WDTC1: variants seen among roughly 807,000 people sequenced by gnomAD.
WDTC1 encodes the protein WD and tetratricopeptide repeats protein 1.
In WDTC1, 12 loss-of-function variants were observed where a neutral mutation model predicts 76.0. The observed-to-expected ratio is 0.16, with a 90% CI of 0.10 to 0.26. The LOEUF (loss-of-function observed/expected upper bound fraction) is 0.26, where lower values mean the gene tolerates loss of function less well. WDTC1 is among the 10% of genes least tolerant of loss of function. WDTC1 has a pLI of 1.00. For synonymous variants in WDTC1, 326 were observed against 350.8 expected (o/e 0.93, Z 0.79); for missense variants, 511 against 908.8 (o/e 0.56, Z 5.63).
At chr1:27,302,303 A>C (rs1393624100) in intron 13 of WDTC1, among the ~76,000 whole-genome samples, 1 of 151,764 alleles carries the variant, frequency 6.6e-6, no homozygotes, top group Non-Finnish European at 1.5e-5. Flanking sequence ...GAAACAAAAA[A>C]GTATGACAAG....
chr1:27,268,776 G>A (rs1392772356), intron 3 of WDTC1, among the ~76,000 whole-genome samples: 5 of 149,250 alleles, frequency 3.4e-5, no homozygotes, highest in South Asian at 2.1e-4. Flanking sequence ...GTGCAGTGGC[G>A]CAATCTTGGC....
At chr1:27,240,972 C>CAA (rs10683474) in intron 1 of WDTC1, among the ~76,000 whole-genome samples, 18,015 of 137,282 alleles carry the variant, frequency 0.13, 1,412 homozygotes, top group South Asian at 0.19. Context: ...GACTCCATCT[C>CAA]AAAAAAAAAA....
At chr1:27,245,568 T>G (rs151022607) in intron 1 of WDTC1, among the ~76,000 whole-genome samples, 2,381 of 151,458 alleles carry the variant, frequency 0.016, 47 homozygotes, top group East Asian at 0.035. Context: ...GGTTTTTTTT[T>G]TTTGTTTGTT....
At chr1:27,252,262 G>T (rs933734792) in intron 1 of WDTC1, among the ~76,000 whole-genome samples, 8 of 151,854 alleles carry the variant, frequency 5.3e-5, no homozygotes, top group African/African-American at 1.9e-4. Context: ...TGGCAGGATT[G>T]CTTGAGCTGG....
At chr1:27,240,620 A>G (rs138796455) in intron 1 of WDTC1, among the ~76,000 whole-genome samples, 593 of 152,266 alleles carry the variant, frequency 3.9e-3, no homozygotes, top group Middle Eastern at 6.8e-3. Context: ...TCTTTGAGCT[A>G]TTAAGTAATA....
chr1:27,284,645 T>C (rs2013279798), intron 5 of WDTC1, among the ~76,000 whole-genome samples: 1 of 152,140 alleles, frequency 6.6e-6, no homozygotes, highest in Non-Finnish European at 1.5e-5. Context: ...GCCATTAGTT[T>C]AGCATCAGAG....
intron 9 of WDTC1, among the ~76,000 whole-genome samples, chr1:27,295,948 T>G (rs1570983827): frequency 6.6e-6 from 1 of 152,114 alleles, no homozygotes; most frequent in East Asian, 1.9e-4. Flanking sequence ...GTATTTCTTG[T>G]AAAGACGGGG....
At position 27,287,585 on chromosome 1, in the gene WDTC1, G is replaced by C. The variant is rs1455518937; in HGVS notation, c.292-89G>C. ...CTCATTCTCTTATCTGACATGGAGAGAGAAAAGGGTGCAGACATCCAGGCT... is the reference window on the plus strand; with the variant it reads ...CTCATTCTCTTATCTGACATGGAGACAGAAAAGGGTGCAGACATCCAGGCT... On this transcript the variant is annotated intron_variant, in intron 5 of 15. Coordinates refer to ENST00000319394, the MANE Select transcript of WDTC1 (RefSeq NM_001276252.2). The C allele has an allele frequency of 7.8e-6, 11 of 1,406,718 alleles. No homozygotes were observed. The Admixed American group carries it at 1.3e-4, about 16-fold the overall frequency. 87.1% of individuals were successfully genotyped at this position (1,406,718 alleles called of 1,614,324 possible). A position where few individuals can be genotyped will look rare whatever the true frequency, so the allele number is the denominator to read the frequency against.
intron 4 of WDTC1, among the ~76,000 whole-genome samples, chr1:27,283,098 A>G (rs2013235998): frequency 6.6e-6 from 1 of 151,540 alleles, no homozygotes; most frequent in Non-Finnish European, 1.5e-5. Flanking sequence ...AGATCGCGCC[A>G]CTGCACTTCC....
In WDTC1 at chr1:27,306,151, G is replaced by A. The variant is rs1447968286; in HGVS notation, c.1837-35G>A. 8 of 1,612,600 alleles carry A rather than the reference G, an allele frequency of 5.0e-6. No individual in the cohort carries two copies. Among genetic ancestry groups the A allele is most frequent in the Non-Finnish European group, 6.8e-6 (8 of 1,179,432 alleles). ...TGTACCCTGGTGCCTCTCCCTCCCT[G>A]AGCCCCACGTGTGTCACCCCTTTCT... On this transcript the variant is annotated intron_variant, in intron 15 of 15. Transcript: ENST00000319394. The surrounding 1 kb of genome is among the most constrained non-coding windows in gnomAD (Gnocchi z 5.0).
At chr1:27,245,551 T>A (rs997422163) in intron 1 of WDTC1, among the ~76,000 whole-genome samples, 1 of 150,962 alleles carries the variant, frequency 6.6e-6, no homozygotes, top group Non-Finnish European at 1.5e-5. Context: ...AAGAAAGGGT[T>A]TTTTTTGGTT....
At chr1:27,249,905 G>C (rs2011979468) in intron 1 of WDTC1, among the ~76,000 whole-genome samples, 1 of 152,156 alleles carries the variant, frequency 6.6e-6, no homozygotes, top group Non-Finnish European at 1.5e-5. Context: ...ACAGATTTTT[G>C]TGTGGCATTT....
Position 27,301,588 on chromosome 1 carries a change from A to G in WDTC1, c.1468+127A>G. ...CAGATGTTGATTCAGAAACCATGCAACTTTGGGGCAGTTACTTGGTGTCTC... is the reference window on the plus strand; with the variant it reads ...CAGATGTTGATTCAGAAACCATGCAGCTTTGGGGCAGTTACTTGGTGTCTC... On this transcript the variant is annotated intron_variant, in intron 13 of 15. Transcript: ENST00000319394. The surrounding 1 kb of genome is among the most constrained non-coding windows in gnomAD (Gnocchi z 5.8). The G allele has an allele frequency of 2.8e-6, 3 of 1,074,294 alleles. No individual in the cohort carries two copies. The highest frequency in any genetic ancestry group is 4.0e-6 in the Non-Finnish European group (3 of 748,800). The allele number at this position is 1,074,294 out of a possible 1,614,324, so 66.5% of individuals were successfully genotyped here.
At chr1:27,254,136 G>T (rs2012194098) in intron 1 of WDTC1, among the ~76,000 whole-genome samples, 1 of 152,100 alleles carries the variant, frequency 6.6e-6, no homozygotes, top group Non-Finnish European at 1.5e-5. Context: ...AAAACAAAAT[G>T]ATTTTTTAAA....
At chr1:27,237,192 C>A (rs2011507842) in intron 1 of WDTC1, among the ~76,000 whole-genome samples, 1 of 151,982 alleles carries the variant, frequency 6.6e-6, no homozygotes, top group South Asian at 2.1e-4. Flanking sequence ...CTGGGCTGGT[C>A]TCAAACTCCT....
chr1:27,266,120 A>G (rs1166739371), intron 3 of WDTC1, among the ~76,000 whole-genome samples: 1 of 152,160 alleles, frequency 6.6e-6, no homozygotes, highest in Non-Finnish European at 1.5e-5. Flanking sequence ...TGCCTGAATA[A>G]TATTGCCTGG....
chr1:27,259,753 G>A (rs1461492960), intron 1 of WDTC1, among the ~76,000 whole-genome samples: 1 of 151,890 alleles, frequency 6.6e-6, no homozygotes, highest in African/African-American at 2.4e-5. Context: ...AGGCGCAGTG[G>A]CTCATGCCTG....
Position 27,295,460 on chromosome 1 carries a change from T to G in WDTC1, c.873+831T>G, listed in dbSNP as rs534501054. Among the ~76,000 whole-genome samples, 3 of 150,130 alleles carry G rather than the reference T, an allele frequency of 2.0e-5. No individual in the cohort carries two copies. In the South Asian group the frequency reaches 6.3e-4, roughly 31 times the overall value. On this transcript the variant is annotated intron_variant, in intron 9 of 15. Coordinates refer to ENST00000319394, the MANE Select transcript of WDTC1 (RefSeq NM_001276252.2). ...TTTAAACATGTGACGTGTTTTTTGT[T>G]TTTTTTTTTTGAGTTGGAGTTTCGC... is the stretch of plus-strand genomic sequence containing the variant.
chr1:27,268,817 T>C (rs2012761439), intron 3 of WDTC1, among the ~76,000 whole-genome samples: 1 of 151,344 alleles, frequency 6.6e-6, no homozygotes, highest in East Asian at 2.0e-4. Flanking sequence ...CGGGTTCAAG[T>C]GATTCTCCTG....
Sources: gnomAD v4.1 joint callset for allele counts (sites outside exome capture counted in the v4.1 genomes callset) on GRCh38, gnomAD v4.1.1 for gene constraint, Gnocchi (gnomAD v3.1) non-coding constraint, MANE v1.5 for transcripts, NCBI Gene and HGNC (gene_info 2026-07-23, HGNC 2026-07-21) for gene names.